The following EPHB1 variants were observed in gnomAD, a reference collection of about 807,000 sequenced individuals.
EPHB1 encodes ephrin type-B receptor 1.
In EPHB1, 30 loss-of-function variants were observed where a neutral mutation model predicts 94.4. The observed-to-expected ratio is 0.32, with a 90% CI of 0.24 to 0.43. The LOEUF (loss-of-function observed/expected upper bound fraction) is 0.43, where lower values mean the gene tolerates loss of function less well. Ranked by LOEUF, EPHB1 falls within the 20% of genes least tolerant of loss-of-function variation. The pLI, the probability that EPHB1 is intolerant of heterozygous loss-of-function variation, is 1.00. For missense variants in EPHB1, 1,055 were observed against 1,308.3 expected (o/e 0.81, Z 2.99); for synonymous variants, 522 against 489.1 (o/e 1.07, Z -0.89).
chr3:134,907,431 A>C (rs1328152017), intron 1 of EPHB1, among the ~76,000 whole-genome samples: 1 of 152,244 alleles, frequency 6.6e-6, no homozygotes, highest in Non-Finnish European at 1.5e-5. Context: ...AAGAAAACAC[A>C]GCTCAGTTGT....
chr3:135,093,307 G>GCACT (rs1043862319), intron 3 of EPHB1, among the ~76,000 whole-genome samples: 4 of 152,070 alleles, frequency 2.6e-5, no homozygotes, highest in African/African-American at 9.7e-5. Context: ...GCCACTCCCC[G>GCACT]CACTCCACTG....
At position 135,111,519 on chromosome 3, in the gene EPHB1, C is replaced by T. The variant is rs145808684; in HGVS notation, c.961+4916C>T. On this transcript the variant is annotated intron_variant, in intron 4 of 15. Transcript: ENST00000398015. ...TCCTGTGTGCCAGGCTAGAAAGCTG[C>T]AGGGAGGGGGGCTGTGAATATGTAT... is the stretch of plus-strand genomic sequence containing the variant. 9.9e-5 allele frequency among the ~76,000 whole-genome samples: 15 copies of T among 151,808 alleles called. 1 individual carries two copies. In the East Asian group the frequency reaches 2.9e-3, roughly 30 times the overall value.
intron 12 of EPHB1, among the ~76,000 whole-genome samples, 155 bp from the exon 13 acceptor site, chr3:135,240,993 A>G (rs1348397436): frequency 6.6e-6 from 1 of 152,190 alleles, no homozygotes; most frequent in Non-Finnish European, 1.5e-5. Flanking sequence ...AGGCACAGCA[A>G]CATAGCTTGT....
intron 1 of EPHB1, among the ~76,000 whole-genome samples, chr3:134,826,636 A>T (rs936916522): frequency 6.6e-6 from 1 of 152,234 alleles, no homozygotes; most frequent in Non-Finnish European, 1.5e-5. Context: ...ATAATAAATC[A>T]TCATTTTGGC....
At chr3:135,109,750 C>T (rs960439722) in intron 4 of EPHB1, among the ~76,000 whole-genome samples, 11 of 152,232 alleles carry the variant, frequency 7.2e-5, no homozygotes, top group Non-Finnish European at 1.6e-4. Context: ...AGGAAGGAGG[C>T]ACAGGCAGAG....
At chr3:135,164,500 G>A (rs1941595552) in intron 7 of EPHB1, among the ~76,000 whole-genome samples, 1 of 152,128 alleles carries the variant, frequency 6.6e-6, no homozygotes, top group Admixed American at 6.5e-5. Flanking sequence ...GATAGCTCAT[G>A]GGAAACCTCA....
intron 3 of EPHB1, among the ~76,000 whole-genome samples, chr3:134,997,193 T>C (rs954901306): frequency 7.9e-5 from 12 of 152,226 alleles, no homozygotes; most frequent in Admixed American, 6.5e-4. Context: ...TCACCACTGA[T>C]TGAAAAGGTC....
chr3:135,081,108 G>A (rs892535428), intron 3 of EPHB1, among the ~76,000 whole-genome samples: 2 of 152,142 alleles, frequency 1.3e-5, no homozygotes, highest in African/African-American at 4.8e-5. Flanking sequence ...GAGGGGAGGG[G>A]AGGTGGAAGA....
intron 3 of EPHB1, among the ~76,000 whole-genome samples, chr3:135,065,388 T>C (rs193181521): frequency 2.0e-5 from 3 of 152,310 alleles, no homozygotes; most frequent in African/African-American, 7.2e-5. Flanking sequence ...GAAGCTCCAG[T>C]GTTAGGTGCA....
At chr3:134,802,264 A>G (rs1216821860) in intron 1 of EPHB1, among the ~76,000 whole-genome samples, 1 of 151,720 alleles carries the variant, frequency 6.6e-6, no homozygotes, top group Admixed American at 6.6e-5. Flanking sequence ...GTGAAACCCC[A>G]TCTCTGCTAA....
intron 4 of EPHB1, among the ~76,000 whole-genome samples, chr3:135,120,533 C>A (rs1326724691): frequency 6.6e-6 from 1 of 152,156 alleles, no homozygotes; most frequent in Admixed American, 6.5e-5. Context: ...CACTGACCAC[C>A]AAGGTTTCAT....
rs188340402 is a variant in EPHB1 at position 134,881,722 on chromosome 3, A to G, written c.59-44094A>G. On this transcript the variant is annotated intron_variant, in intron 1 of 15. Transcript: ENST00000398015. ...AGAGTGATAAATAAATGAATAATTG[A>G]AAGGGAGGAAGAACCTCTTAGACTA... Among the ~76,000 whole-genome samples, 381 of 152,366 alleles carry G rather than the reference A, an allele frequency of 2.5e-3. 1 individual carries two copies. Among genetic ancestry groups the G allele is most frequent in the Middle Eastern group, 0.02 (6 of 294 alleles).
At chr3:135,196,357 G>T (rs1210717616) in intron 11 of EPHB1, among the ~76,000 whole-genome samples, 1 of 152,108 alleles carries the variant, frequency 6.6e-6, no homozygotes, top group East Asian at 1.9e-4. Flanking sequence ...TCATGTTGAT[G>T]AGCTGAGCTT....
At chr3:134,893,034 C>A (rs781484359) in intron 1 of EPHB1, among the ~76,000 whole-genome samples, 1 of 152,010 alleles carries the variant, frequency 6.6e-6, no homozygotes, top group Non-Finnish European at 1.5e-5. Context: ...CTTTCTCTAG[C>A]CAAATATAAT....
At chr3:134,927,147 C>T (rs540175358) in intron 2 of EPHB1, among the ~76,000 whole-genome samples, 2 of 152,348 alleles carry the variant, frequency 1.3e-5, no homozygotes, top group Non-Finnish European at 1.5e-5. Context: ...ATCCCTGTAA[C>T]CTCTATGCCC....
intron 1 of EPHB1, among the ~76,000 whole-genome samples, chr3:134,879,529 G>A (rs1314676980): frequency 1.3e-5 from 2 of 152,162 alleles, no homozygotes; most frequent in Non-Finnish European, 2.9e-5. Flanking sequence ...GGGTGCAACT[G>A]TGGTCCCAAC....
rs1413948648 is a variant in EPHB1, at chr3:134,824,618, T to C, written c.58+28929T>C. ...CCCCTTAAGTATGGATTGGACTTGA[T>C]GACTTGCTTGACCAGTAAAATGTGG... On this transcript the variant is annotated intron_variant, in intron 1 of 15. Coordinates refer to ENST00000398015, the MANE Select transcript of EPHB1 (RefSeq NM_004441.5). Among the ~76,000 whole-genome samples, 3 of 152,196 alleles carry C rather than the reference T, an allele frequency of 2.0e-5. No individual in the cohort carries two copies. The East Asian group carries it at 5.8e-4, about 29-fold the overall frequency.
At chr3:135,181,371 G>A (rs1942147421) in intron 10 of EPHB1, among the ~76,000 whole-genome samples, 2 of 152,122 alleles carry the variant, frequency 1.3e-5, no homozygotes, top group Non-Finnish European at 2.9e-5. Flanking sequence ...GCTGAACCAC[G>A]ACTTTCACTT....
chr3:135,110,894 G>GCATAAGGA (rs1223970894), intron 4 of EPHB1, among the ~76,000 whole-genome samples: 2 of 152,162 alleles, frequency 1.3e-5, no homozygotes, highest in African/African-American at 4.8e-5. Flanking sequence ...TGTCCCTGTG[G>GCATAAGGA]CATAAGGATC....
Sources: gnomAD v4.1 joint callset for allele counts (sites outside exome capture counted in the v4.1 genomes callset) on GRCh38, gnomAD v4.1.1 for gene constraint, MANE v1.5 for transcripts, NCBI Gene and HGNC (gene_info 2026-07-23, HGNC 2026-07-21) for gene names.